The following CEP85 variants were observed in gnomAD, a reference collection of about 807,000 sequenced individuals.
CEP85 encodes the protein centrosomal protein of 85 kDa.
In CEP85, 58 loss-of-function variants were observed where a neutral mutation model predicts 93.7. The observed-to-expected ratio is 0.62, with a 90% CI of 0.50 to 0.77. CEP85 has a LOEUF of 0.77. Among genes scored for constraint, CEP85 ranks in the 30% least tolerant of loss-of-function variants. The pLI is 0.00. For missense variants in CEP85, 868 were observed against 922.0 expected (o/e 0.94, Z 0.76); for synonymous variants, 314 against 338.6 (o/e 0.93, Z 0.80).
intron 13 of CEP85, 52 bp from the exon 14 acceptor site, chr1:26,277,084 A>T (rs768166711): frequency 3.2e-6 from 5 of 1,581,642 alleles, no homozygotes; most frequent in African/African-American, 1.3e-5. Flanking sequence ...CACCCTCCAC[A>T]TGAAAATGTC....
chr1:26,236,817 G>A (rs2089333923), intron 1 of CEP85, among the ~76,000 whole-genome samples: 1 of 152,192 alleles, frequency 6.6e-6, no homozygotes, highest in African/African-American at 2.4e-5. Context: ...TGATCTGGAA[G>A]GGTAAGACAA....
intron 7 of CEP85, among the ~76,000 whole-genome samples, chr1:26,266,997 T>C (rs571818330): frequency 1.3e-5 from 2 of 152,350 alleles, no homozygotes; most frequent in African/African-American, 2.4e-5. Context: ...ATATGTCTTA[T>C]CAGAAAGTTA....
In CEP85 at chr1:26,259,636, C is replaced by G; in HGVS notation, c.1175C>G (p.Thr392Ser). ...TGGCAGGAATTGCAGCGAGAAAACA[C>G]TTTCTTACGTGCACAGTTTGCACAG... The part of the protein sequence containing the change: ...LRLQELQREN[T>S]FLRAQFAQKT... The change falls in exon 7 of 14, where the codon ACT becomes AGT. Residue 392 changes from threonine to serine, a missense_variant. Coordinates refer to ENST00000451429, the MANE Select transcript of CEP85 (RefSeq NM_001319944.2). 6.2e-7 allele frequency: 1 copy of G among 1,608,894 alleles called. No individual in the cohort carries two copies. The highest frequency in any genetic ancestry group is 1.1e-5 in the South Asian group (1 of 90,034).
chr1:26,268,233 G>A (rs573357905), intron 7 of CEP85, among the ~76,000 whole-genome samples: 11 of 152,324 alleles, frequency 7.2e-5, no homozygotes, highest in Admixed American at 3.3e-4. Context: ...CAAGGTGGGC[G>A]GATGGCTTGA....
At chr1:26,263,600 G>A (rs1329633478) in intron 7 of CEP85, among the ~76,000 whole-genome samples, 3 of 152,046 alleles carry the variant, frequency 2.0e-5, no homozygotes, top group Non-Finnish European at 2.9e-5. Context: ...ATCACTCACT[G>A]GAGCCCAAAA....
chr1:26,244,956 G>T (rs1464551951), intron 3 of CEP85, among the ~76,000 whole-genome samples: 1 of 152,134 alleles, frequency 6.6e-6, no homozygotes, highest in Non-Finnish European at 1.5e-5. Flanking sequence ...ATGAAGTTCA[G>T]AGTCTTCCGT....
In CEP85 at chr1:26,268,653, G is replaced by C; in HGVS notation, c.1494+18G>C. On this transcript the variant is annotated intron_variant, in intron 8 of 13. Coordinates refer to ENST00000451429, the MANE Select transcript of CEP85 (RefSeq NM_001319944.2). ...GCCAGCAGGTAGCAGCAATGTCTTG[G>C]CATGCCTGGGGTGATCAGGGAGTGG... 6.2e-7 allele frequency: 1 copy of C among 1,600,356 alleles called. No homozygotes were observed. Among genetic ancestry groups the C allele is most frequent in the Non-Finnish European group, 8.5e-7 (1 of 1,173,284 alleles).
intron 2 of CEP85, among the ~76,000 whole-genome samples, chr1:26,240,334 G>T (rs1361054365): frequency 1.3e-5 from 2 of 151,984 alleles, no homozygotes; most frequent in Admixed American, 1.3e-4. Flanking sequence ...TGTCCATGGC[G>T]GACTGGTTCC....
chr1:26,250,925 C>CCTTTTTTTTTTTTTTTT (rs2089598435), intron 3 of CEP85, among the ~76,000 whole-genome samples: 8 of 55,134 alleles, frequency 1.5e-4, no homozygotes, highest in African/African-American at 4.7e-4. Flanking sequence ...TTTTTTTTTT[C>CCTTTTTTTTTTTTTTTT]TTTTTTCTTT....
At chr1:26,241,243 A>ATTTTTTTTTT (rs1433524136) in intron 2 of CEP85, among the ~76,000 whole-genome samples, 854 of 61,780 alleles carry the variant, frequency 0.014, 1 homozygote, top group Non-Finnish European at 0.019. Context: ...CATTCAGCAG[A>ATTTTTTTTTT]ATTTTTTTTT....
intron 13 of CEP85, 30 bp downstream of exon 13, chr1:26,276,790 G>T: frequency 6.4e-7 from 1 of 1,554,498 alleles, no homozygotes; most frequent in Non-Finnish European, 8.8e-7. Context: ...TGGGGCCCAG[G>T]AAGGAGGGTC....
Position 26,255,463 on chromosome 1 carries a change from A to G in CEP85, c.501A>G (p.Ala167=). Residue 167 remains alanine, a synonymous_variant, in exon 4 of 14, where the codon GCA becomes GCG. Coordinates refer to ENST00000451429, the MANE Select transcript of CEP85 (RefSeq NM_001319944.2). ...GAATTGAGCAGTCCTGGTTTCCAGCAGTGGGCCATGAAAGACAAGAAGAGG... is the reference window on the plus strand; with the variant it reads ...GAATTGAGCAGTCCTGGTTTCCAGCGGTGGGCCATGAAAGACAAGAAGAGG... The part of the protein sequence containing the change: ...ENGIEQSWFP[A]VGHERQEEAR... 6.2e-7 allele frequency: 1 copy of G among 1,614,140 alleles called. No homozygotes were observed. Among genetic ancestry groups the G allele is most frequent in the South Asian group, 1.1e-5 (1 of 91,078 alleles).
In CEP85 at chr1:26,278,131, C is replaced by G. The variant is rs1426440950; in HGVS notation, c.*838C>G. ...AGAGCAACTGTCAAGCTGCTTACCC[C>G]CTCACCCAGGGCTACAGCCTGTGCC... On this transcript the variant is annotated 3_prime_UTR_variant, in exon 14 of 14. Coordinates refer to ENST00000451429, the MANE Select transcript of CEP85 (RefSeq NM_001319944.2). 1 of 152,718 alleles carries G rather than the reference C, an allele frequency of 6.5e-6. No individual in the cohort carries two copies. Among genetic ancestry groups the G allele is most frequent in the African/African-American group, 2.4e-5 (1 of 41,450 alleles). 9.5% of individuals were successfully genotyped at this position (152,718 alleles called of 1,614,324 possible).
At position 26,237,240 on chromosome 1, in the gene CEP85, G is replaced by T. The variant is rs182034539; in HGVS notation, c.-22-2522G>T. Among the ~76,000 whole-genome samples, 18 of 152,108 alleles carry T rather than the reference G, an allele frequency of 1.2e-4. No homozygotes were observed. In the East Asian group the frequency reaches 3.5e-3, roughly 29 times the overall value. On this transcript the variant is annotated intron_variant, in intron 1 of 13. Transcript: ENST00000451429. ...CACATAACATAAAATTTAATTTTATGTGTGTGCAATTCAGAGGTTTTTAAT... is the reference window on the plus strand; with the variant it reads ...CACATAACATAAAATTTAATTTTATTTGTGTGCAATTCAGAGGTTTTTAAT...
intron 3 of CEP85, among the ~76,000 whole-genome samples, chr1:26,249,176 G>T (rs530649707): frequency 1.1e-4 from 17 of 152,142 alleles, no homozygotes; most frequent in African/African-American, 4.1e-4. Flanking sequence ...CCGCCTCCCG[G>T]GTTCAAGCGA....
intron 3 of CEP85, among the ~76,000 whole-genome samples, chr1:26,248,722 C>A (rs866383881): frequency 1.8e-5 from 1 of 56,212 alleles, no homozygotes; most frequent in East Asian, 4.9e-4. Flanking sequence ...GTCTTGAACT[C>A]TTTTTTTTTT....
At chr1:26,238,569 G>A (rs1360024949) in intron 1 of CEP85, among the ~76,000 whole-genome samples, 1 of 152,122 alleles carries the variant, frequency 6.6e-6, no homozygotes, top group Admixed American at 6.6e-5. Flanking sequence ...TCTTCCATGG[G>A]CTGTACAGTG....
chr1:26,245,184 G>A (rs776179505), intron 3 of CEP85, among the ~76,000 whole-genome samples: 17 of 96,710 alleles, frequency 1.8e-4, no homozygotes, highest in Non-Finnish European at 1.7e-4. Context: ...ACCACACCCA[G>A]CTATTTTTTT....
At chr1:26,255,931 G>T in intron 4 of CEP85, 66 bp downstream of exon 4, 5 of 1,391,932 alleles carry the variant, frequency 3.6e-6, no homozygotes. Context: ...AATAGCTTTT[G>T]TCCTTTGAAT....
Sources: gnomAD v4.1 joint callset for allele counts (sites outside exome capture counted in the v4.1 genomes callset) on GRCh38, gnomAD v4.1.1 for gene constraint, MANE v1.5 for transcripts, NCBI Gene and HGNC (gene_info 2026-07-23, HGNC 2026-07-21) for gene names.